Variants in CA10 observed in about 807,000 individuals in gnomAD.
The protein encoded by CA10 is carbonic anhydrase-related protein 10.
A neutral mutation model predicts 44.2 loss-of-function variants in CA10; 14 were observed. That is an observed-to-expected ratio of 0.32 (90% confidence interval 0.21 to 0.50). The LOEUF is 0.50. Ranked by LOEUF, CA10 falls within the 20% of genes least tolerant of loss-of-function variation. The pLI is 0.99. For missense variants in CA10, 350 were observed against 409.7 expected (o/e 0.85, Z 1.26); for synonymous variants, 159 against 141.6 (o/e 1.12, Z -0.87).
chr17:51,686,050 G>C (rs758787534), intron 4 of CA10, among the ~76,000 whole-genome samples: 5 of 151,856 alleles, frequency 3.3e-5, no homozygotes, highest in Non-Finnish European at 5.9e-5. Context: ...CATGGGTCAA[G>C]GGCAGGGCCA....
intron 4 of CA10, among the ~76,000 whole-genome samples, chr17:51,669,902 C>T (rs561015811): frequency 6.6e-6 from 1 of 152,308 alleles, no homozygotes; most frequent in African/African-American, 2.4e-5. Flanking sequence ...AATTTTAGCT[C>T]CCATAATTCC....
At position 52,155,092 on chromosome 17, in the gene CA10, T is replaced by A. The variant is rs905296751; in HGVS notation, c.61+2634A>T. Among the ~76,000 whole-genome samples the A allele has an allele frequency of 5.9e-5, 9 of 152,224 alleles. No homozygotes were observed. The East Asian group carries it at 1.5e-3, about 26-fold the overall frequency. ...GACAAAGCTACTACCAACATTTTCC[T>A]TCTGTAAAGTGTTTAGACTACAGAC... On this transcript the variant is annotated intron_variant, in intron 1 of 8. Coordinates refer to ENST00000451037, the MANE Select transcript of CA10 (RefSeq NM_020178.5).
intron 3 of CA10, among the ~76,000 whole-genome samples, chr17:51,865,637 C>T (rs1158571403): frequency 6.6e-6 from 1 of 152,076 alleles, no homozygotes; most frequent in African/African-American, 2.4e-5. Flanking sequence ...TTGATGTATC[C>T]CTGTGAGATA....
chr17:52,068,484 T>C (rs1255352052), intron 2 of CA10, among the ~76,000 whole-genome samples: 4 of 152,218 alleles, frequency 2.6e-5, no homozygotes, highest in Non-Finnish European at 4.4e-5. Context: ...TGCTGTCAAG[T>C]ATTCCTCACA....
chr17:51,828,433 C>G (rs1908112503), intron 3 of CA10, among the ~76,000 whole-genome samples: 1 of 152,160 alleles, frequency 6.6e-6, no homozygotes, highest in South Asian at 2.1e-4. Flanking sequence ...TGATCTTCCT[C>G]CTCTGACCAT....
chr17:51,897,023 C>T (rs1981100407), intron 3 of CA10, among the ~76,000 whole-genome samples: 2 of 152,064 alleles, frequency 1.3e-5, no homozygotes, highest in South Asian at 2.1e-4. Context: ...TGTAGGTTCT[C>T]TGTTTACTCT....
At chr17:52,036,691 T>C (rs1258448749) in intron 2 of CA10, among the ~76,000 whole-genome samples, 1 of 152,192 alleles carries the variant, frequency 6.6e-6, no homozygotes, top group Non-Finnish European at 1.5e-5. Flanking sequence ...AAAACCTCAG[T>C]GTCTTCTTCC....
At chr17:51,819,935 T>C (rs9898772) in intron 3 of CA10, among the ~76,000 whole-genome samples, 1,704 of 152,262 alleles carry the variant, frequency 0.011, 28 homozygotes, top group African/African-American at 0.04. Flanking sequence ...TCTTTGTTTA[T>C]CCCCCTCTCT....
chr17:51,966,706 A>T (rs969155462), intron 2 of CA10, among the ~76,000 whole-genome samples: 1 of 151,924 alleles, frequency 6.6e-6, no homozygotes, highest in Admixed American at 6.6e-5. Context: ...ACCTTAATTC[A>T]GAATGAATTA....
intron 4 of CA10, among the ~76,000 whole-genome samples, chr17:51,745,962 TA>T (rs1247573397): frequency 3.3e-5 from 5 of 152,256 alleles, no homozygotes; most frequent in African/African-American, 1.2e-4. Context: ...AGTACCCAGT[TA>T]TGCTCAAATT....
chr17:51,895,680 A>T (rs1205396577), intron 3 of CA10, among the ~76,000 whole-genome samples: 1 of 152,118 alleles, frequency 6.6e-6, no homozygotes, highest in Non-Finnish European at 1.5e-5. Flanking sequence ...AAAATTCAAG[A>T]TAATTTTTAA....
intron 3 of CA10, among the ~76,000 whole-genome samples, chr17:51,873,015 C>G (rs1037342818): frequency 6.6e-6 from 1 of 152,140 alleles, no homozygotes; most frequent in Non-Finnish European, 1.5e-5. Flanking sequence ...CACCCACTGT[C>G]AAGAGTTCAA....
intron 3 of CA10, among the ~76,000 whole-genome samples, chr17:51,868,711 G>T (rs1979664273): frequency 6.6e-6 from 1 of 151,838 alleles, no homozygotes; most frequent in Non-Finnish European, 1.5e-5. Flanking sequence ...CTCCTGCTTG[G>T]CCTTATGACC....
chr17:51,756,432 T>C (rs1905081062), intron 3 of CA10, among the ~76,000 whole-genome samples: 1 of 151,692 alleles, frequency 6.6e-6, no homozygotes, highest in Non-Finnish European at 1.5e-5. Context: ...AGTCAGAAGT[T>C]GGTAGGAAGA....
rs148169920 is a variant in CA10 at position 52,118,071 on chromosome 17, G to A, written c.61+39655C>T. Among the ~76,000 whole-genome samples, 167 of 152,242 alleles carry A rather than the reference G, an allele frequency of 1.1e-3. 1 individual carries two copies. The highest frequency in any genetic ancestry group is 3.6e-3 in the African/African-American group (148 of 41,534). The stretch of plus-strand genomic sequence containing the variant: ...CTGCTCTTTAGCAAAATTTGTAGAG[G>A]GTTATAAAAGGATTATAAGGATCTC... On this transcript the variant is annotated intron_variant, in intron 1 of 8. Coordinates refer to ENST00000451037, the MANE Select transcript of CA10 (RefSeq NM_020178.5).
At chr17:51,734,619 C>A (rs1255332423) in intron 4 of CA10, among the ~76,000 whole-genome samples, 1 of 152,148 alleles carries the variant, frequency 6.6e-6, no homozygotes, top group African/African-American at 2.4e-5. Flanking sequence ...TGCGGGTCTT[C>A]TTTGCAATAA....
At position 51,630,820 on chromosome 17, in the gene CA10, A is replaced by AATGT. The variant is rs1321869167; in HGVS notation, c.*760_*763dup. The AATGT allele has an allele frequency of 1.3e-5, 2 of 152,640 alleles. No individual in the cohort carries two copies. Among genetic ancestry groups the AATGT allele is most frequent in the East Asian group, 3.8e-4 (2 of 5,200 alleles). The allele number at this position is 152,640 out of a possible 1,614,324, so 9.5% of individuals were successfully genotyped here. A position where few individuals can be genotyped will look rare whatever the true frequency, so the allele number is the denominator to read the frequency against. On this transcript the variant is annotated 3_prime_UTR_variant, in exon 9 of 9. Transcript: ENST00000451037. Reference sequence around the variant, plus strand: ...TGAGCTGGTAACAATAACCAAACACAATGTATGACCTTTGGAAAACAAGAA... The same window carrying AATGT: ...TGAGCTGGTAACAATAACCAAACACAATGTATGTATGACCTTTGGAAAACAAGAA...
At chr17:51,971,774 A>G (rs1034360409) in intron 2 of CA10, among the ~76,000 whole-genome samples, 9 of 152,028 alleles carry the variant, frequency 5.9e-5, no homozygotes, top group Non-Finnish European at 1.0e-4. Flanking sequence ...TCTTACTTAT[A>G]CATAAAATAA....
intron 3 of CA10, among the ~76,000 whole-genome samples, chr17:51,850,959 TA>T (rs924586132): frequency 1.4e-4 from 21 of 152,168 alleles, no homozygotes; most frequent in African/African-American, 5.1e-4. Context: ...ATTCACAGTT[TA>T]AAGGGCAAGC....
Sources: allele counts gnomAD v4.1 joint callset (sites outside exome capture counted in the v4.1 genomes callset), GRCh38; gene constraint gnomAD v4.1.1; transcripts MANE v1.5; gene names NCBI Gene and HGNC (gene_info 2026-07-23, HGNC 2026-07-21).